CCDC175: variants seen among roughly 807,000 people sequenced by gnomAD.
CCDC175 encodes the protein coiled-coil domain containing 175, also known as coiled-coil domain-containing protein 175.
In CCDC175, 100 loss-of-function variants were observed where a neutral mutation model predicts 114.6. That is an observed-to-expected ratio of 0.87 (90% CI 0.74 to 1.03). The LOEUF (loss-of-function observed/expected upper bound fraction) is 1.03. CCDC175 is among the 50% of genes least tolerant of loss of function. The probability of loss-of-function intolerance (pLI) is 0.00; values close to 1 mark genes in which losing one functional copy is unlikely to be tolerated. For synonymous variants in CCDC175, 306 were observed against 308.7 expected (o/e 0.99, Z 0.09); for missense variants, 880 against 917.8 (o/e 0.96, Z 0.53).
At chr14:59,538,898 A>G (rs1894582036) in intron 11 of CCDC175, 58 bp from the exon 12 acceptor site, 1 of 1,463,324 alleles carries the variant, frequency 6.8e-7, no homozygotes, top group Non-Finnish European at 9.1e-7. Context: ...TACTAAAAAG[A>G]TGAAGAAATT....
Position 59,531,854 on chromosome 14 carries a change from C to G in CCDC175, c.1680G>C (p.Glu560Asp), listed in dbSNP as rs1595012202. The change falls in exon 14 of 20, where the codon GAG becomes GAC. Residue 560 changes from glutamate to aspartate, a missense_variant. By Grantham distance (45) the Glu-to-Asp change is conservative. Transcript: ENST00000537690. ...INKEKEEELVEYLPQLQVAEQ... is the reference protein window; with the variant it reads ...INKEKEEELVDYLPQLQVAEQ... ...CTGCCACCTGAAGTTGTGGAAGATA[C>G]TCAACTAGTTCTTCTTCCTTTTCTT... is the stretch of plus-strand genomic sequence containing the variant. The G allele has an allele frequency of 7.3e-7, 1 of 1,370,332 alleles. No homozygotes were observed. Among genetic ancestry groups the G allele is most frequent in the Middle Eastern group, 1.8e-4 (1 of 5,616 alleles). 84.9% of individuals were successfully genotyped at this position (1,370,332 alleles called of 1,614,324 possible).
chr14:59,550,319 C>A (rs535489259), intron 8 of CCDC175, among the ~76,000 whole-genome samples: 1 of 152,138 alleles, frequency 6.6e-6, no homozygotes, highest in African/African-American at 2.4e-5. Flanking sequence ...TCACCCTCAC[C>A]CCCAATTTTT....
intron 19 of CCDC175, 44 bp downstream of exon 19, chr14:59,510,602 T>G: frequency 1.3e-6 from 2 of 1,528,576 alleles, no homozygotes; most frequent in Non-Finnish European, 8.8e-7. Context: ...TATAGTAAAA[T>G]AGCAGGAAGT....
chr14:59,569,819 G>A (rs1010173825), intron 3 of CCDC175, among the ~76,000 whole-genome samples: 3 of 152,186 alleles, frequency 2.0e-5, no homozygotes, highest in Admixed American at 2.0e-4. Flanking sequence ...GAGGATTAGA[G>A]TAATTAGAGT....
Position 59,540,697 on chromosome 14 carries a change from G to C in CCDC175, c.1333C>G (p.Leu445Val). The C allele has an allele frequency of 7.7e-7, 1 of 1,305,544 alleles. No individual in the cohort carries two copies. Among genetic ancestry groups the C allele is most frequent in the South Asian group, 1.3e-5 (1 of 76,230 alleles). 80.9% of individuals were successfully genotyped at this position (1,305,544 alleles called of 1,614,324 possible). A position where few individuals can be genotyped will look rare whatever the true frequency, so the allele number is the denominator to read the frequency against. Residue 445 changes from leucine to valine, a missense_variant, in exon 11 of 20, where the codon CTG (leucine) becomes GTG (valine). Leu to Val is a conservative substitution (Grantham distance 32). Transcript: ENST00000537690. Reference protein sequence around the residue: ...QQQIKILSANLERESQRCVIT... With the variant: ...QQQIKILSANVERESQRCVIT... Reference sequence around the variant, plus strand: ...TACCATCTCTGACTTTCTCTTTCCAGGTTAGCACTCAGGATTTTGATTTGT... The same window carrying C: ...TACCATCTCTGACTTTCTCTTTCCACGTTAGCACTCAGGATTTTGATTTGT...
chr14:59,548,066 C>T (rs1443557445), intron 8 of CCDC175, among the ~76,000 whole-genome samples: 6 of 151,852 alleles, frequency 4.0e-5, no homozygotes, highest in Admixed American at 1.3e-4. Context: ...GTTCATCAGC[C>T]GATGAATGGA....
chr14:59,538,238 T>G, intron 12 of CCDC175, 84 bp from the exon 13 acceptor site: 4 of 1,143,142 alleles, frequency 3.5e-6, no homozygotes, highest in Non-Finnish European at 4.8e-6. Context: ...TTAATATCTC[T>G]TTGCAGGAGG....
chr14:59,554,477 G>A (rs1440559083), intron 7 of CCDC175, among the ~76,000 whole-genome samples: 3 of 152,190 alleles, frequency 2.0e-5, no homozygotes, highest in African/African-American at 7.2e-5. Context: ...TATGTAGAGG[G>A]AAGTTTACAG....
intron 15 of CCDC175, among the ~76,000 whole-genome samples, 172 bp downstream of exon 15, chr14:59,526,923 T>C (rs906679756): frequency 1.3e-5 from 2 of 152,226 alleles, no homozygotes; most frequent in African/African-American, 4.8e-5. Context: ...TGTATGTGTA[T>C]ACATGTGCAT....
intron 3 of CCDC175, among the ~76,000 whole-genome samples, chr14:59,570,465 T>C (rs188023730): frequency 6.6e-6 from 1 of 152,200 alleles, no homozygotes; most frequent in African/African-American, 2.4e-5. Flanking sequence ...AGACCACTCT[T>C]TTTAGGTTGG....
chr14:59,558,850 G>A (rs927195217), intron 7 of CCDC175, among the ~76,000 whole-genome samples: 2 of 152,132 alleles, frequency 1.3e-5, no homozygotes, highest in African/African-American at 4.8e-5. Context: ...GCAGAGAATA[G>A]TGAAGGACTG....
intron 13 of CCDC175, among the ~76,000 whole-genome samples, chr14:59,537,110 C>T (rs1894447739): frequency 6.6e-6 from 1 of 152,110 alleles, no homozygotes; most frequent in Admixed American, 6.6e-5. Flanking sequence ...TTCCATGCCA[C>T]CATTTTTTCT....
intron 2 of CCDC175, 126 bp downstream of exon 2, chr14:59,574,817 T>C (rs1261612517): frequency 1.1e-5 from 6 of 527,048 alleles, no homozygotes; most frequent in African/African-American, 3.9e-5. Context: ...GAAAAATATT[T>C]TTAAGTTCAG....
In CCDC175 at chr14:59,574,405, C is replaced by G. The variant is rs73305691; in HGVS notation, c.243+538G>C. 6.6e-3 allele frequency among the ~76,000 whole-genome samples: 1,000 copies of G among 152,300 alleles called. 10 individuals are homozygous for G. The highest frequency in any genetic ancestry group is 0.023 in the African/African-American group (961 of 41,552). ...TCAGAAGGAAATTCTTTAAATATTT[C>G]TTCAACATGTCTTTGATAGGGGCCA... is the stretch of plus-strand genomic sequence containing the variant. On this transcript the variant is annotated intron_variant, in intron 2 of 19. Coordinates refer to ENST00000537690, the MANE Select transcript of CCDC175 (RefSeq NM_001164399.2).
intron 17 of CCDC175, among the ~76,000 whole-genome samples, chr14:59,519,316 T>C (rs1283164583): frequency 6.6e-6 from 1 of 151,252 alleles, no homozygotes; most frequent in Non-Finnish European, 1.5e-5. Context: ...TAAAGTATAG[T>C]AATAAAAAAA....
At chr14:59,541,630 C>A (rs984979014) in intron 10 of CCDC175, among the ~76,000 whole-genome samples, 1 of 152,184 alleles carries the variant, frequency 6.6e-6, no homozygotes, top group Admixed American at 6.5e-5. Context: ...TCCTCTGGAT[C>A]TCTAAGGGTC....
intron 8 of CCDC175, among the ~76,000 whole-genome samples, chr14:59,546,336 G>C (rs1197630681): frequency 1.3e-5 from 2 of 152,190 alleles, no homozygotes; most frequent in Non-Finnish European, 2.9e-5. Flanking sequence ...AAGAAGTGGG[G>C]AAGGGTTGGA....
In CCDC175 at chr14:59,543,410, A is replaced by C. The variant is rs772850482; in HGVS notation, c.1217T>G (p.Leu406Arg). The C allele has an allele frequency of 6.8e-7, 1 of 1,478,818 alleles. No homozygotes were observed. The highest frequency in any genetic ancestry group is 9.0e-7 in the Non-Finnish European group (1 of 1,110,354). 91.6% of individuals were successfully genotyped at this position (1,478,818 alleles called of 1,614,324 possible). ...LTFISQKEYF[L>R]SQKRVDIKNM... ...TTTGATGTCTACTCTCTTTTGTGAC[A>C]GAAAGTATTCTTTCTGAGAAATAAA... is the stretch of plus-strand genomic sequence containing the variant. The change falls in exon 10 of 20, where the codon CTG (leucine) becomes CGG (arginine). Residue 406 changes from leucine to arginine, a missense_variant. Coordinates refer to ENST00000537690, the MANE Select transcript of CCDC175 (RefSeq NM_001164399.2).
At chr14:59,509,007 G>C (rs1374122026) in intron 19 of CCDC175, among the ~76,000 whole-genome samples, 1 of 152,034 alleles carries the variant, frequency 6.6e-6, no homozygotes, top group Non-Finnish European at 1.5e-5. Flanking sequence ...TCATTTGGGT[G>C]GTCTTTTTAT....
Sources: allele counts gnomAD v4.1 joint callset (sites outside exome capture counted in the v4.1 genomes callset), GRCh38; gene constraint gnomAD v4.1.1; transcripts MANE v1.5; gene names NCBI Gene and HGNC (gene_info 2026-07-23, HGNC 2026-07-21).